Variants in PPTC7 observed in about 807,000 individuals in gnomAD.
PPTC7 encodes the protein protein phosphatase targeting COQ7, also known as protein phosphatase PTC7 homolog.
PPTC7 carries 6 observed loss-of-function variants against 30.8 expected under a neutral mutation model. That is an observed-to-expected ratio of 0.19 (90% CI 0.11 to 0.38). The LOEUF (loss-of-function observed/expected upper bound fraction) is 0.38, where lower values mean the gene tolerates loss of function less well. Ranked by LOEUF, PPTC7 falls within the 10% of genes least tolerant of loss-of-function variation. The pLI, the probability that PPTC7 is intolerant of heterozygous loss-of-function variation, is 1.00. For missense variants in PPTC7, 218 were observed against 404.8 expected (o/e 0.54, Z 3.96); for synonymous variants, 163 against 168.1 (o/e 0.97, Z 0.23).
intron 1 of PPTC7, among the ~76,000 whole-genome samples, chr12:110,572,625 T>C (rs1428259329): frequency 6.6e-6 from 1 of 152,162 alleles, no homozygotes; most frequent in Non-Finnish European, 1.5e-5. Context: ...AGAAAGTCAC[T>C]TTCGTAGTCT....
chr12:110,583,003 AGCC>A lies in PPTC7; in HGVS notation c.26_28del (p.Arg9del). On this transcript the variant is annotated inframe_deletion, in exon 1 of 6. Coordinates refer to ENST00000354300, the MANE Select transcript of PPTC7 (RefSeq NM_139283.2). Reference sequence around the variant, plus strand: ...GCCGCCGAGCACGGCGCGGGCCACCAGCCGCCCGTACGAGAGGACCGAGAACAT... The same window carrying A: ...GCCGCCGAGCACGGCGCGGGCCACCAGCCCGTACGAGAGGACCGAGAACAT... 1 of 1,485,470 alleles carries A rather than the reference AGCC, an allele frequency of 6.7e-7. No homozygotes were observed. Among genetic ancestry groups the A allele is most frequent in the Non-Finnish European group, 8.9e-7 (1 of 1,125,224 alleles). The allele number at this position is 1,485,470 out of a possible 1,614,324, so 92.0% of individuals were successfully genotyped here.
intron 3 of PPTC7, among the ~76,000 whole-genome samples, chr12:110,543,593 A>C (rs2135763891): frequency 6.6e-6 from 1 of 152,302 alleles, no homozygotes; most frequent in East Asian, 1.9e-4. Context: ...TTGGCACTGA[A>C]GCTCTGTTTT....
chr12:110,546,070 T>A lies in PPTC7; in HGVS notation c.412A>T (p.Thr138Ser). 1 of 1,613,420 alleles carries A rather than the reference T, an allele frequency of 6.2e-7. No homozygotes were observed. The highest frequency in any genetic ancestry group is 8.5e-7 in the Non-Finnish European group (1 of 1,179,610). ...CTGTCCAGCACCACAATGCAGGCGG[T>A]GCTGCTACCTAGAAACAAAAATCAT... ...QNKVPLLGSS[T>S]ACIVVLDRTS... is the part of the protein sequence containing the mutation. Residue 138 changes from threonine to serine, a missense_variant, in exon 3 of 6, where the codon ACC becomes TCC. Transcript: ENST00000354300.
intron 1 of PPTC7, among the ~76,000 whole-genome samples, chr12:110,579,079 G>A (rs140164690): frequency 2.0e-5 from 3 of 152,188 alleles, no homozygotes; most frequent in Non-Finnish European, 4.4e-5. Context: ...AAGCTGGGAG[G>A]CAGAGGTTGC....
intron 2 of PPTC7, among the ~76,000 whole-genome samples, chr12:110,550,000 AAGCTCC>A (rs1158958218): frequency 6.6e-6 from 1 of 152,190 alleles, no homozygotes; most frequent in Non-Finnish European, 1.5e-5. Context: ...TATGCCAGAC[AAGCTCC>A]AGATTGCATG....
intron 1 of PPTC7, among the ~76,000 whole-genome samples, chr12:110,574,003 A>G (rs771940531): frequency 6.6e-6 from 1 of 151,680 alleles, no homozygotes; most frequent in African/African-American, 2.4e-5. Context: ...ATAAATAAAT[A>G]AAGGCACTAC....
In PPTC7 at chr12:110,582,959, T is replaced by C; in HGVS notation, c.73A>G (p.Arg25Gly). 1.3e-6 allele frequency: 2 copies of C among 1,524,134 alleles called. No individual in the cohort carries two copies. Among genetic ancestry groups the C allele is most frequent in the Non-Finnish European group, 8.8e-7 (1 of 1,136,232 alleles). 94.4% of individuals were successfully genotyped at this position (1,524,134 alleles called of 1,614,324 possible). A position where few individuals can be genotyped will look rare whatever the true frequency, so the allele number is the denominator to read the frequency against. Residue 25 changes from arginine to glycine, a missense_variant, in exon 1 of 6, where the codon AGG (arginine) becomes GGG (glycine). Physicochemically the swap from Arg to Gly is moderately radical, Grantham distance 125. Transcript: ENST00000354300. The stretch of plus-strand genomic sequence containing the variant: ...TCGCCGCCGCCGCCGCCGCCGGCCC[T>C]GGGGTCGGTCTGCGAGAGGCCGCCG... ...VLGGLSQTDP[R>G]AGGGGGGDYG... is the part of the protein sequence containing the mutation.
rs1555215143 is a variant in PPTC7 at position 110,563,146 on chromosome 12, A to AAAG, written c.224-11181_224-11179dup. Among the ~76,000 whole-genome samples, 226 of 148,770 alleles carry AAAG rather than the reference A, an allele frequency of 1.5e-3. 2 individuals are homozygous for AAAG. The highest frequency in any genetic ancestry group is 1.8e-3 in the Non-Finnish European group (121 of 67,292). ...TCAAAAAAAAAAAAAAAAAAAAAAA[A>AAAG]AAGAAGAAGAAGAAAAAAGAAGTTT... On this transcript the variant is annotated intron_variant, in intron 1 of 5. Transcript: ENST00000354300.
intron 1 of PPTC7, among the ~76,000 whole-genome samples, chr12:110,555,880 A>G (rs1232804968): frequency 6.6e-6 from 1 of 152,250 alleles, no homozygotes; most frequent in African/African-American, 2.4e-5. Context: ...AAACACAACA[A>G]TTTATGTTAA....
At chr12:110,546,953 T>C (rs1593147303) in intron 2 of PPTC7, among the ~76,000 whole-genome samples, 1 of 152,364 alleles carries the variant, frequency 6.6e-6, no homozygotes, top group Non-Finnish European at 1.5e-5. Context: ...ATGCATATTG[T>C]TGGCAAAGTG....
Position 110,534,397 on chromosome 12 carries a change from C to A in PPTC7, c.*2640G>T, listed in dbSNP as rs1055587946. On this transcript the variant is annotated 3_prime_UTR_variant, in exon 6 of 6. Transcript: ENST00000354300. Reference sequence around the variant, plus strand: ...TGTTATAAAAGTCCATTACATGAGGCGTGTGTGTGTGTGTGTGTTGCTTAA... The same window carrying A: ...TGTTATAAAAGTCCATTACATGAGGAGTGTGTGTGTGTGTGTGTTGCTTAA... 2.9e-4 allele frequency: 44 copies of A among 149,494 alleles called. No individual in the cohort carries two copies. The highest frequency in any genetic ancestry group is 1.3e-4 in the Non-Finnish European group (9 of 67,234). 9.3% of individuals were successfully genotyped at this position (149,494 alleles called of 1,614,324 possible).
chr12:110,581,541 CCTTT>C (rs1432974127), intron 1 of PPTC7, among the ~76,000 whole-genome samples: 1 of 152,172 alleles, frequency 6.6e-6, no homozygotes, highest in African/African-American at 2.4e-5. Context: ...AGCTGCAGGA[CCTTT>C]CTAAGTCTCC....
intron 1 of PPTC7, among the ~76,000 whole-genome samples, chr12:110,575,942 C>CA: frequency 6.6e-6 from 1 of 152,166 alleles, no homozygotes; most frequent in East Asian, 1.9e-4. Flanking sequence ...ACCTATATAG[C>CA]AAAATGAGAA....
intron 1 of PPTC7, among the ~76,000 whole-genome samples, chr12:110,560,476 C>G (rs1230331613): frequency 6.6e-6 from 1 of 152,060 alleles, no homozygotes; most frequent in Non-Finnish European, 1.5e-5. Context: ...CCCAATTACA[C>G]AGTCACCTAA....
chr12:110,548,032 G>A (rs115157220), intron 2 of PPTC7, among the ~76,000 whole-genome samples: 43 of 151,986 alleles, frequency 2.8e-4, no homozygotes, highest in African/African-American at 8.2e-4. Context: ...GTTTGAACCC[G>A]GGGGGCAGAG....
At chr12:110,582,781 G>A in intron 1 of PPTC7, 28 bp downstream of exon 1, 1 of 1,523,952 alleles carries the variant, frequency 6.6e-7, no homozygotes, top group East Asian at 2.5e-5. Flanking sequence ...TCCGAGGCTG[G>A]GGCAAGGGAA....
At chr12:110,560,392 A>G (rs183765640) in intron 1 of PPTC7, among the ~76,000 whole-genome samples, 269 of 150,478 alleles carry the variant, frequency 1.8e-3, no homozygotes, top group African/African-American at 6.6e-3. Context: ...ACAGAGCGAG[A>G]CCCTGTCTCA....
chr12:110,540,321 C>CCTTTTT (rs377082561), intron 3 of PPTC7, among the ~76,000 whole-genome samples: 2 of 105,012 alleles, frequency 1.9e-5, no homozygotes, highest in Non-Finnish European at 1.8e-5. Flanking sequence ...CCCCCCCCGC[C>CCTTTTT]TTTTTTTTTT....
chr12:110,544,594 G>C (rs1313434319), intron 3 of PPTC7, among the ~76,000 whole-genome samples: 3 of 152,224 alleles, frequency 2.0e-5, no homozygotes, highest in Non-Finnish European at 2.9e-5. Context: ...CCAGCACTTT[G>C]GGAGGCCGAG....
Sources: gnomAD v4.1 joint callset for allele counts (sites outside exome capture counted in the v4.1 genomes callset) on GRCh38, gnomAD v4.1.1 for gene constraint, MANE v1.5 for transcripts, NCBI Gene and HGNC (gene_info 2026-07-23, HGNC 2026-07-21) for gene names.